TXLNB: variants seen among roughly 807,000 people sequenced by gnomAD.
TXLNB encodes taxilin beta.
A neutral mutation model predicts 57.4 loss-of-function variants in TXLNB; 37 were observed. The ratio of observed to expected loss-of-function variants is 0.64; its 90% CI spans 0.50 to 0.85. TXLNB has a LOEUF of 0.85. TXLNB is among the 40% of genes least tolerant of loss of function. The probability of loss-of-function intolerance (pLI) is 0.00; values close to 1 mark genes in which losing one functional copy is unlikely to be tolerated. For synonymous variants in TXLNB, 302 were observed against 309.6 expected (o/e 0.98, Z 0.26); for missense variants, 848 against 825.6 (o/e 1.03, Z -0.33).
intron 7 of TXLNB, among the ~76,000 whole-genome samples, chr6:139,250,353 C>CT (rs1208250726): frequency 1.5e-5 from 2 of 133,954 alleles, no homozygotes; most frequent in African/African-American, 6.0e-5. Context: ...TTCTTTCTTT[C>CT]TTTCTTTTTT....
the TXLNB span, among the ~76,000 whole-genome samples, chr6:139,205,649 A>G: frequency 7.9e-5 from 12 of 152,138 alleles, no homozygotes; most frequent in African/African-American, 2.7e-4. Flanking sequence ...GAAAAGAAAA[A>G]AAAAAGAACA....
the TXLNB span, chr6:139,166,905 TAAAG>T: frequency 2.5e-6 from 4 of 1,614,022 alleles, no homozygotes; most frequent in South Asian, 1.1e-5. Flanking sequence ...GGGGAGTTCT[TAAAG>T]AACGCCATCC....
chr6:139,212,027 G>T, the TXLNB span, among the ~76,000 whole-genome samples: 19 of 152,332 alleles, frequency 1.2e-4, no homozygotes, highest in Middle Eastern at 0.01. Flanking sequence ...GTGACAGGGA[G>T]AATGGAACCA....
the TXLNB span, chr6:139,167,188 C>T: frequency 3.1e-6 from 5 of 1,614,064 alleles, no homozygotes; most frequent in African/African-American, 4.0e-5. Flanking sequence ...GTGCCAGCCA[C>T]AGAAACGTGG....
the TXLNB span, among the ~76,000 whole-genome samples, chr6:139,211,597 C>T: frequency 6.6e-6 from 1 of 152,220 alleles, no homozygotes; most frequent in African/African-American, 2.4e-5. Flanking sequence ...AGGAACGCAG[C>T]TCCTCACCAG....
At chr6:139,284,141 T>C (rs1477616282) in intron 2 of TXLNB, among the ~76,000 whole-genome samples, 1 of 145,800 alleles carries the variant, frequency 6.9e-6, no homozygotes, top group Non-Finnish European at 1.5e-5. Flanking sequence ...TGTGTCTTCT[T>C]CTTCCTCTCT....
At chr6:139,271,133 T>C (rs1348901213) in intron 3 of TXLNB, among the ~76,000 whole-genome samples, 1 of 152,170 alleles carries the variant, frequency 6.6e-6, no homozygotes, top group Non-Finnish European at 1.5e-5. Context: ...TTCTCTTCTT[T>C]ATAATGTTGG....
In TXLNB at chr6:139,270,480, C is replaced by T. The variant is rs1441921470; in HGVS notation, c.663G>A (p.Leu221=). 1 of 1,614,052 alleles carries T rather than the reference C, an allele frequency of 6.2e-7. No homozygotes were observed. Among genetic ancestry groups the T allele is most frequent in the Admixed American group, 1.7e-5 (1 of 59,998 alleles). Reference sequence around the variant, plus strand: ...CCTTCAGAGTCTTGTTGTGTCTCTGCAGCTCCCGGCACAGACTCTCCAATT... The same window carrying T: ...CCTTCAGAGTCTTGTTGTGTCTCTGTAGCTCCCGGCACAGACTCTCCAATT... ...RSKLESLCRE[L]QRHNKTLKEE... The change falls in exon 4 of 10, where the codon CTG becomes CTA. Residue 221 remains leucine (L), a synonymous_variant. Coordinates refer to ENST00000358430, the MANE Select transcript of TXLNB (RefSeq NM_153235.4).
chr6:139,166,333 C>T, the TXLNB span: 2 of 1,613,304 alleles, frequency 1.2e-6, no homozygotes, highest in Non-Finnish European at 1.7e-6. Context: ...GGCCGGTGGA[C>T]CTGGAGAAGG....
chr6:139,288,650 T>C lies in TXLNB; in HGVS notation c.250A>G (p.Arg84Gly), dbSNP rs1178075262. ...GCATTCTCAGGCTGCTCACTGGCCC[T>C]GGCAGAGCCCTCTTTCCCTGCTGTG... ...ASTAGKEGSA[R>G]ASEQPENAES... The change falls in exon 2 of 10, where the codon AGG (arginine) becomes GGG (glycine). Residue 84 changes from arginine (R) to glycine (G), a missense_variant. By Grantham distance (125) the Arg-to-Gly change is moderately radical. Transcript: ENST00000358430. The C allele has an allele frequency of 6.2e-6, 10 of 1,614,198 alleles. No homozygotes were observed. The highest frequency in any genetic ancestry group is 8.5e-6 in the Non-Finnish European group (10 of 1,180,034).
the TXLNB span, chr6:139,203,446 T>A: frequency 1.3e-5 from 2 of 152,190 alleles, no homozygotes; most frequent in African/African-American, 2.4e-5. Flanking sequence ...CTAAATACAA[T>A]AAGTGCTTTT....
At chr6:139,235,601 G>T (rs543001448), downstream of TXLNB, among the ~76,000 whole-genome samples, 1 of 152,122 alleles carries the variant, frequency 6.6e-6, no homozygotes, top group Non-Finnish European at 1.5e-5. Context: ...GATCACAGGG[G>T]TGGTTTCCCC....
the TXLNB span, among the ~76,000 whole-genome samples, chr6:139,185,460 G>A: frequency 6.6e-6 from 1 of 152,180 alleles, no homozygotes. Flanking sequence ...CCAGCGCTTT[G>A]GGAGGCCGAG....
At chr6:139,177,079 T>G in the TXLNB span, 1 of 861,038 alleles carries the variant, frequency 1.2e-6, no homozygotes, top group Non-Finnish European at 2.0e-6. This position sits in a 1 kb window ranked among gnomAD's most constrained non-coding sequence, Gnocchi z 4.9. Flanking sequence ...GCCATTTTCC[T>G]CCTTCAAAGT....
At chr6:139,297,356 A>G in the TXLNB span, among the ~76,000 whole-genome samples, 14 of 152,228 alleles carry the variant, frequency 9.2e-5, no homozygotes, top group African/African-American at 3.4e-4. Context: ...CCAAATAAAA[A>G]GCATCAGCAT....
chr6:139,240,046 ATG>A (rs748541305), downstream of TXLNB: 81 of 152,580 alleles, frequency 5.3e-4, no homozygotes, highest in Non-Finnish European at 4.6e-4. Flanking sequence ...AAAAAATAAA[ATG>A]AGTACTAGAG....
chr6:139,288,911 T>C lies in TXLNB; in HGVS notation c.-12A>G, dbSNP rs773269233. ...TGATTAGCCTCCATCTTGGGAGTAGTATCTAGTGGTAAGCACAGTTAGGCT... is the reference window on the plus strand; with the variant it reads ...TGATTAGCCTCCATCTTGGGAGTAGCATCTAGTGGTAAGCACAGTTAGGCT... On this transcript the variant is annotated splice_region_variant and 5_prime_UTR_variant, in exon 2 of 10. It adds an upstream start codon to the 5' untranslated region. Transcript: ENST00000358430. The C allele has an allele frequency of 6.2e-6, 10 of 1,606,610 alleles. No individual in the cohort carries two copies. Among genetic ancestry groups the C allele is most frequent in the Non-Finnish European group, 8.5e-6 (10 of 1,175,262 alleles).
chr6:139,237,531 A>G (rs1266454729), downstream of TXLNB: 1 of 151,906 alleles, frequency 6.6e-6, no homozygotes, highest in East Asian at 1.9e-4. Flanking sequence ...AAAAAAGAAA[A>G]GAAAAAGAAA....
At chr6:139,214,547 C>T in the TXLNB span, among the ~76,000 whole-genome samples, 1 of 152,154 alleles carries the variant, frequency 6.6e-6, no homozygotes, top group Non-Finnish European at 1.5e-5. Context: ...AAACTGGAAG[C>T]ACTCCCTTTG....
Sources: gnomAD v4.1 joint callset for allele counts (sites outside exome capture counted in the v4.1 genomes callset) on GRCh38, gnomAD v4.1.1 for gene constraint, Gnocchi (gnomAD v3.1) non-coding constraint, MANE v1.5 for transcripts, NCBI Gene and HGNC (gene_info 2026-07-23, HGNC 2026-07-21) for gene names.